The following HACE1 variants were observed in gnomAD, a reference collection of about 807,000 sequenced individuals.
HACE1 encodes the protein HECT domain and ankyrin repeat containing E3 ubiquitin protein ligase 1.
Under a neutral mutation model 118.4 loss-of-function variants are expected in HACE1, and 73 were observed. That is an observed-to-expected ratio of 0.62 (90% confidence interval 0.51 to 0.75). The LOEUF (loss-of-function observed/expected upper bound fraction) is 0.75. HACE1 is among the 30% of genes least tolerant of loss of function. HACE1 has a pLI of 0.00. For missense variants in HACE1, 749 were observed against 1,102.2 expected (o/e 0.68, Z 4.54); for synonymous variants, 368 against 374.8 (o/e 0.98, Z 0.21).
intron 22 of HACE1, among the ~76,000 whole-genome samples, chr6:104,740,814 G>A (rs1776584082): frequency 7.3e-6 from 1 of 136,102 alleles, no homozygotes; most frequent in Non-Finnish European, 1.6e-5. Context: ...ATTTTATGAG[G>A]CCAGCATCAT....
chr6:104,778,761 T>G (rs9689855), intron 14 of HACE1, among the ~76,000 whole-genome samples: 1 of 152,042 alleles, frequency 6.6e-6, no homozygotes. Flanking sequence ...AATTGTAGTG[T>G]GCTCACTTTG....
At chr6:104,742,287 C>T (rs2114491997) in intron 22 of HACE1, among the ~76,000 whole-genome samples, 1 of 138,686 alleles carries the variant, frequency 7.2e-6, no homozygotes, top group African/African-American at 3.0e-5. Flanking sequence ...AAAGCAATGG[C>T]AACAAAAGAC....
chr6:104,844,835 C>T (rs969131655), intron 4 of HACE1, among the ~76,000 whole-genome samples: 77 of 151,470 alleles, frequency 5.1e-4, no homozygotes, highest in African/African-American at 1.7e-3. Context: ...GCTAATTTTT[C>T]GTATTTTTAG....
chr6:104,831,146 A>C (rs905948840), intron 6 of HACE1: 1 of 152,222 alleles, frequency 6.6e-6, no homozygotes, highest in Admixed American at 6.5e-5. Flanking sequence ...ATTCAATCTA[A>C]AATCTTAAGC....
intron 10 of HACE1, among the ~76,000 whole-genome samples, chr6:104,794,526 T>C (rs1463079149): frequency 6.6e-6 from 1 of 152,220 alleles, no homozygotes; most frequent in Non-Finnish European, 1.5e-5. Context: ...AAAATCCTGA[T>C]TAGACTGTAA....
In HACE1 at chr6:104,771,889, A is replaced by C. The variant is rs749802893; in HGVS notation, c.2014+36T>G. On this transcript the variant is annotated intron_variant, in intron 18 of 23. Coordinates refer to ENST00000262903, the MANE Select transcript of HACE1 (RefSeq NM_020771.4). ...CCTCAAACTGAAAAAAAAACAATATAAATAAATGTCTGCAGAAATAATAAT... is the reference window on the plus strand; with the variant it reads ...CCTCAAACTGAAAAAAAAACAATATCAATAAATGTCTGCAGAAATAATAAT... The C allele has an allele frequency of 3.5e-6, 5 of 1,438,030 alleles. No individual in the cohort carries two copies. In the South Asian group the frequency reaches 5.8e-5, roughly 17 times the overall value. 89.1% of individuals were successfully genotyped at this position (1,438,030 alleles called of 1,614,324 possible).
chr6:104,835,140 A>C (rs1774396487), intron 5 of HACE1, among the ~76,000 whole-genome samples: 1 of 152,262 alleles, frequency 6.6e-6, no homozygotes, highest in East Asian at 1.9e-4. Context: ...AAATGCCTAA[A>C]GAAATCGACA....
At chr6:104,736,851 A>T (rs1775898062) in intron 22 of HACE1, among the ~76,000 whole-genome samples, 1 of 152,212 alleles carries the variant, frequency 6.6e-6, no homozygotes, top group Non-Finnish European at 1.5e-5. Flanking sequence ...ACTAAAAAAA[A>T]TAAGCAAAAT....
chr6:104,811,270 A>G (rs1242971004), intron 7 of HACE1, 41 bp downstream of exon 7: 1 of 557,584 alleles, frequency 1.8e-6, no homozygotes, highest in Non-Finnish European at 3.4e-6. Flanking sequence ...ATATATATAT[A>G]TATGAGCATA....
At chr6:104,759,826 A>T (rs1316172789) in intron 19 of HACE1, among the ~76,000 whole-genome samples, 1 of 151,262 alleles carries the variant, frequency 6.6e-6, no homozygotes, top group Non-Finnish European at 1.5e-5. Flanking sequence ...AGATGAAAAG[A>T]GAGAAGAATA....
chr6:104,774,203 C>T (rs1216701302), intron 17 of HACE1, among the ~76,000 whole-genome samples: 1 of 122,976 alleles, frequency 8.1e-6, no homozygotes, highest in East Asian at 2.0e-4. Context: ...CATTCTCCTG[C>T]CTCAGCCTCC....
At chr6:104,852,261 C>A in intron 2 of HACE1, 56 bp downstream of exon 2, 2 of 989,196 alleles carry the variant, frequency 2.0e-6, no homozygotes, top group Non-Finnish European at 3.3e-6. Context: ...ATGCAGTACA[C>A]ATTTAGAACA....
chr6:104,728,462 A>G lies in HACE1; in HGVS notation c.*1200T>C, dbSNP rs1054695764. On this transcript the variant is annotated 3_prime_UTR_variant, in exon 24 of 24. Coordinates refer to ENST00000262903, the MANE Select transcript of HACE1 (RefSeq NM_020771.4). ...GAGAATAAGAGAATCAAAACCAACG[A>G]ATTAAAGGAGCTTTATAATTTAGCA... The G allele has an allele frequency of 1.3e-5, 2 of 152,232 alleles. No individual in the cohort carries two copies. The highest frequency in any genetic ancestry group is 4.8e-5 in the African/African-American group (2 of 41,472). The allele number at this position is 152,232 out of a possible 1,614,324, so 9.4% of individuals were successfully genotyped here. A position where few individuals can be genotyped will look rare whatever the true frequency, so the allele number is the denominator to read the frequency against.
intron 11 of HACE1, chr6:104,787,343 GA>G (rs1782539298): frequency 6.6e-6 from 1 of 152,108 alleles, no homozygotes; most frequent in Non-Finnish European, 1.5e-5. Context: ...TGGAGTCCCT[GA>G]ACTGCTTAAA....
intron 5 of HACE1, among the ~76,000 whole-genome samples, chr6:104,838,864 T>A: frequency 1.7e-5 from 1 of 58,830 alleles, no homozygotes; most frequent in African/African-American, 6.6e-5. Flanking sequence ...AACCAGAATA[T>A]ATAAGGAACT....
chr6:104,797,170 A>G (rs1378653100), intron 7 of HACE1, 145 bp from the exon 8 acceptor site: 2 of 589,342 alleles, frequency 3.4e-6, no homozygotes, highest in African/African-American at 7.0e-5. Context: ...CATAATCACA[A>G]AAACTTTCTC....
At chr6:104,809,435 G>C (rs1308692777) in intron 7 of HACE1, among the ~76,000 whole-genome samples, 2 of 152,002 alleles carry the variant, frequency 1.3e-5, no homozygotes, top group African/African-American at 4.8e-5. Context: ...GAACATTTCA[G>C]GCAAAACAAA....
At chr6:104,752,405 G>A (rs751396057) in intron 19 of HACE1, among the ~76,000 whole-genome samples, 3 of 152,088 alleles carry the variant, frequency 2.0e-5, no homozygotes, top group Non-Finnish European at 4.4e-5. Flanking sequence ...TTCAGTTTAT[G>A]TCTACTCTCA....
chr6:104,814,762 A>G (rs1771945382), intron 6 of HACE1, among the ~76,000 whole-genome samples: 1 of 136,994 alleles, frequency 7.3e-6, no homozygotes, highest in Non-Finnish European at 1.6e-5. Context: ...ATGAGAGCTC[A>G]TGGTTTAAAA....
Sources: allele counts gnomAD v4.1 joint callset (sites outside exome capture counted in the v4.1 genomes callset), GRCh38; gene constraint gnomAD v4.1.1; transcripts MANE v1.5; gene names NCBI Gene and HGNC (gene_info 2026-07-23, HGNC 2026-07-21).